The following OSTN variants were observed in gnomAD, a reference collection of about 807,000 sequenced individuals.
OSTN encodes osteocrin.
A neutral mutation model predicts 12.0 loss-of-function variants in OSTN; 9 were observed. The observed-to-expected ratio is 0.75, with a 90% CI of 0.45 to 1.30. The LOEUF is 1.30. OSTN is among the 50% of genes most tolerant of loss of function. The pLI is 0.00. For missense variants in OSTN, 148 were observed against 152.3 expected (o/e 0.97, Z 0.15); for synonymous variants, 59 against 56.9 (o/e 1.04, Z -0.16).
intron 2 of OSTN, among the ~76,000 whole-genome samples, chr3:191,214,331 C>G (rs970566104): frequency 6.6e-6 from 1 of 150,776 alleles, no homozygotes; most frequent in Non-Finnish European, 1.5e-5. Context: ...GCCTGTAGTC[C>G]CTGCTGCTTG....
At chr3:191,221,936 C>T (rs1473381206) in intron 3 of OSTN, among the ~76,000 whole-genome samples, 1 of 152,174 alleles carries the variant, frequency 6.6e-6, no homozygotes, top group Non-Finnish European at 1.5e-5. Context: ...ACCTGCTTCC[C>T]AGCCACTCCA....
chr3:191,219,788 T>C (rs1714716918), intron 3 of OSTN, among the ~76,000 whole-genome samples: 1 of 152,214 alleles, frequency 6.6e-6, no homozygotes, highest in Non-Finnish European at 1.5e-5. Context: ...CTAAATTCTC[T>C]AAATACTGTT....
rs1306136784 is a variant in OSTN, at chr3:191,252,374, T to C, written c.*12+2241T>C. Among the ~76,000 whole-genome samples, 25 of 152,196 alleles carry C rather than the reference T, an allele frequency of 1.6e-4. 1 individual carries two copies. The highest frequency in any genetic ancestry group is 1.5e-3 in the Admixed American group (23 of 15,278). On this transcript the variant is annotated intron_variant, in intron 4 of 4. Transcript: ENST00000682035. ...GCCACTGGGCTCAGCCTTGAATTTTTATATGAAGACTGAGACCATAGAAAT... is the reference window on the plus strand; with the variant it reads ...GCCACTGGGCTCAGCCTTGAATTTTCATATGAAGACTGAGACCATAGAAAT...
At chr3:191,205,931 T>C (rs1386583364) in intron 1 of OSTN, among the ~76,000 whole-genome samples, 1 of 152,154 alleles carries the variant, frequency 6.6e-6, no homozygotes, top group African/African-American at 2.4e-5. Context: ...ATGCCTGCAA[T>C]CTCAGCACTT....
chr3:191,223,248 C>T (rs13099180), intron 3 of OSTN, among the ~76,000 whole-genome samples: 31,034 of 152,078 alleles, frequency 0.2, 3,728 homozygotes, highest in Middle Eastern at 0.44. Flanking sequence ...CAGATTTTCA[C>T]GTATGAAAGC....
intron 3 of OSTN, among the ~76,000 whole-genome samples, chr3:191,219,239 G>T (rs929041533): frequency 6.6e-6 from 1 of 152,182 alleles, no homozygotes; most frequent in Non-Finnish European, 1.5e-5. Context: ...AGACATTACT[G>T]CATTTGGGAG....
chr3:191,260,259 C>A (rs1441803826), intron 4 of OSTN, among the ~76,000 whole-genome samples: 3 of 151,652 alleles, frequency 2.0e-5, no homozygotes, highest in African/African-American at 7.3e-5. Context: ...CGTCTTCTGG[C>A]CACCGACAAT....
At chr3:191,250,444 A>G (rs1715535486) in intron 4 of OSTN, among the ~76,000 whole-genome samples, 1 of 152,168 alleles carries the variant, frequency 6.6e-6, no homozygotes, top group Non-Finnish European at 1.5e-5. Flanking sequence ...TCTAGTCAAT[A>G]TATTAAATCA....
At chr3:191,261,126 A>G (rs1302344796) in intron 4 of OSTN, among the ~76,000 whole-genome samples, 2 of 152,192 alleles carry the variant, frequency 1.3e-5, no homozygotes, top group Non-Finnish European at 2.9e-5. Context: ...CAGCGGGGTG[A>G]AATTTTAATC....
chr3:191,260,463 CTGAGGGGGGTGCCAGTCACAGTTG>C (rs1166144654), intron 4 of OSTN, among the ~76,000 whole-genome samples: 1 of 144,924 alleles, frequency 6.9e-6, no homozygotes, highest in African/African-American at 2.5e-5. Flanking sequence ...CCACAAATTT[CTGAGGGGGGTGCCAGTCACAGTTG>C]TGAGGGGGGT....
intron 3 of OSTN, among the ~76,000 whole-genome samples, chr3:191,248,004 T>C (rs553452867): frequency 6.6e-6 from 1 of 152,204 alleles, no homozygotes; most frequent in South Asian, 2.1e-4. Flanking sequence ...CTGCTAATTT[T>C]TGTATTTTTA....
intron 2 of OSTN, among the ~76,000 whole-genome samples, chr3:191,212,992 TC>T (rs1714504424): frequency 6.8e-6 from 1 of 147,302 alleles, no homozygotes; most frequent in South Asian, 2.2e-4. Flanking sequence ...TGCCTCAGCC[TC>T]CCAAGTAGCT....
intron 3 of OSTN, among the ~76,000 whole-genome samples, chr3:191,222,780 A>G (rs1714801837): frequency 1.3e-5 from 2 of 152,120 alleles, no homozygotes. Flanking sequence ...TGTTATGGGA[A>G]GGACCAGTGG....
Position 191,212,757 on chromosome 3 carries a change from T to G in OSTN, c.102+123T>G, listed in dbSNP as rs558747106. The G allele has an allele frequency of 3.9e-3, 689 of 175,570 alleles. 9 individuals are homozygous for G. The highest frequency in any genetic ancestry group is 0.021 in the African/African-American group (638 of 30,396). 10.9% of individuals were successfully genotyped at this position (175,570 alleles called of 1,614,324 possible). A position where few individuals can be genotyped will look rare whatever the true frequency, so the allele number is the denominator to read the frequency against. ...ATATACGTAAATATAATTTATATAT[T>G]TATATATCATATCATATATTTTATA... On this transcript the variant is annotated intron_variant, in intron 2 of 4. Coordinates refer to ENST00000682035, the MANE Select transcript of OSTN (RefSeq NM_198184.2).
chr3:191,231,949 T>A (rs1715068016), intron 3 of OSTN, among the ~76,000 whole-genome samples: 1 of 152,116 alleles, frequency 6.6e-6, no homozygotes, highest in Non-Finnish European at 1.5e-5. Flanking sequence ...AACAATTTTT[T>A]AATTAATTTG....
At chr3:191,236,288 C>G (rs1715185669) in intron 3 of OSTN, among the ~76,000 whole-genome samples, 1 of 152,072 alleles carries the variant, frequency 6.6e-6, no homozygotes, top group Admixed American at 6.6e-5. Flanking sequence ...CTGGTACATT[C>G]TTTTTTAAAA....
chr3:191,258,592 G>A (rs1715728831), intron 4 of OSTN, among the ~76,000 whole-genome samples: 1 of 151,548 alleles, frequency 6.6e-6, no homozygotes, highest in Non-Finnish European at 1.5e-5. Context: ...AAATCACCAG[G>A]GCACATGTAT....
chr3:191,231,922 G>A (rs1376039853), intron 3 of OSTN, among the ~76,000 whole-genome samples: 2 of 151,948 alleles, frequency 1.3e-5, no homozygotes, highest in African/African-American at 4.8e-5. Context: ...CCACTGTTTA[G>A]AAACAGAATT....
intron 3 of OSTN, among the ~76,000 whole-genome samples, chr3:191,221,318 C>A (rs986018623): frequency 6.6e-6 from 1 of 151,910 alleles, no homozygotes; most frequent in Non-Finnish European, 1.5e-5. Context: ...ATAAAGACAC[C>A]TGAAAATGTG....
Sources: allele counts gnomAD v4.1 joint callset (sites outside exome capture counted in the v4.1 genomes callset), GRCh38; gene constraint gnomAD v4.1.1; transcripts MANE v1.5; gene names NCBI Gene and HGNC (gene_info 2026-07-23, HGNC 2026-07-21).